Variants in LINC00237 observed in about 807,000 individuals in gnomAD.
The protein encoded by LINC00237 is long independently transcribed non-coding RNA 237.
rs548843447 is a variant in LINC00237, at chr20:21,086,587, G to A, written n.560-699C>T. On this transcript the variant is annotated intron_variant and non_coding_transcript_variant, in intron 3 of 3. Coordinates refer to ENST00000691244, the Ensembl canonical transcript of LINC00237. ...ATAGTACATATATAGTGTATATATAGTATACACTAGTATATATATGTATAT... is the reference window on the plus strand; with the variant it reads ...ATAGTACATATATAGTGTATATATAATATACACTAGTATATATATGTATAT... Among the ~76,000 whole-genome samples the A allele has an allele frequency of 8.0e-5, 8 of 99,784 alleles. No individual in the cohort carries two copies. The South Asian group carries it at 8.9e-4, about 11-fold the overall frequency. 65.5% of individuals were successfully genotyped at this position (99,784 alleles called of 152,430 possible).
At chr20:21,087,341 C>T (rs940636700) in intron 3 of LINC00237, among the ~76,000 whole-genome samples, 2 of 152,016 alleles carry the variant, frequency 1.3e-5, no homozygotes, top group African/African-American at 4.8e-5. Flanking sequence ...CATGGATGTG[C>T]CATGGTTTAA....
At chr20:21,092,673 G>C (rs765037387) in intron 2 of LINC00237, 6 of 152,074 alleles carry the variant, frequency 3.9e-5, no homozygotes, top group South Asian at 4.1e-4. Context: ...AGATCCTCTG[G>C]ATTTCTTCCC....
intron 2 of LINC00237, among the ~76,000 whole-genome samples, chr20:21,089,529 G>GCTGGGCT (rs2030763402): frequency 6.6e-6 from 1 of 152,048 alleles, no homozygotes; most frequent in Non-Finnish European, 1.5e-5. Flanking sequence ...TCTTCTCTTC[G>GCTGGGCT]CTGGGCTCGT....
intron 1 of LINC00237, among the ~76,000 whole-genome samples, chr20:21,094,895 C>CA (rs1330956047): frequency 1.3e-5 from 2 of 152,082 alleles, no homozygotes; most frequent in Non-Finnish European, 2.9e-5. Flanking sequence ...ACTAAAAATA[C>CA]AAAAAATTAG....
chr20:21,090,932 G>A (rs1344805541), intron 2 of LINC00237, among the ~76,000 whole-genome samples: 1 of 152,154 alleles, frequency 6.6e-6, no homozygotes, highest in African/African-American at 2.4e-5. Context: ...ATATGTTGCT[G>A]GGTATCTTGA....
intron 2 of LINC00237, among the ~76,000 whole-genome samples, chr20:21,092,102 G>C (rs1411336631): frequency 1.3e-5 from 2 of 152,218 alleles, no homozygotes; most frequent in East Asian, 3.8e-4. Context: ...CAATTAAAGA[G>C]TCCATCAGGA....
At chr20:21,087,666 C>T (rs550779027) in intron 3 of LINC00237, 1 of 152,278 alleles carries the variant, frequency 6.6e-6, no homozygotes, top group South Asian at 2.1e-4. Flanking sequence ...AGTTTGCATT[C>T]CCCCAGTCTC....
chr20:21,103,413 C>T lies in LINC00237; in HGVS notation n.88+2858G>A, dbSNP rs926762466. 3.9e-5 allele frequency among the ~76,000 whole-genome samples: 6 copies of T among 152,336 alleles called. No individual in the cohort carries two copies. In the South Asian group the frequency reaches 6.2e-4, roughly 16 times the overall value. On this transcript the variant is annotated intron_variant and non_coding_transcript_variant, in intron 1 of 3. Transcript: ENST00000691244. ...GCAGGGCTGTCCCTACCAATAGCCA[C>T]GGCTCGGGGCTGGCTTTGTAGTTAT...
At chr20:21,086,685 A>ATATGTATAGTATAC (rs374333750) in intron 3 of LINC00237, among the ~76,000 whole-genome samples, 12,098 of 94,862 alleles carry the variant, frequency 0.13, 1,438 homozygotes, top group East Asian at 0.3. Flanking sequence ...AGTATACTAC[A>ATATGTATAGTATAC]TATACATATG....
chr20:21,087,955 T>C (rs903167691), exon 3 of LINC00237: 1 of 152,224 alleles, frequency 6.6e-6, no homozygotes, highest in Admixed American at 6.5e-5. Context: ...TGTTCTCTTC[T>C]TCTTTAGTAA....
chr20:21,099,585 C>A (rs1185504383), intron 1 of LINC00237, among the ~76,000 whole-genome samples: 1 of 152,222 alleles, frequency 6.6e-6, no homozygotes, highest in Admixed American at 6.5e-5. Context: ...CCCAGCCCCA[C>A]TCCCCAACAT....
intron 1 of LINC00237, among the ~76,000 whole-genome samples, chr20:21,103,280 G>T (rs1308074477): frequency 6.6e-6 from 1 of 152,194 alleles, no homozygotes; most frequent in African/African-American, 2.4e-5. Flanking sequence ...GGTGGCTGGG[G>T]CTGTGCATTT....
chr20:21,101,493 G>GTTCC lies in LINC00237; in HGVS notation n.88+4777_88+4778insGGAA, dbSNP rs1255336614. The GTTCC allele has an allele frequency of 6.6e-6, 1 of 152,228 alleles. No individual in the cohort carries two copies. Among genetic ancestry groups the GTTCC allele is most frequent in the Admixed American group, 6.5e-5 (1 of 15,284 alleles). 9.4% of individuals were successfully genotyped at this position (152,228 alleles called of 1,614,324 possible). A position where few individuals can be genotyped will look rare whatever the true frequency, so the allele number is the denominator to read the frequency against. ...AAGAGAGTGACAGAGGCGCGTGCGG[G>GTTCC]GGAAAGGCCCACCCACGCTGTCCCT... On this transcript the variant is annotated intron_variant and non_coding_transcript_variant, in intron 1 of 3. Coordinates refer to ENST00000691244, the Ensembl canonical transcript of LINC00237. The surrounding 1 kb of genome is among the most constrained non-coding windows in gnomAD (Gnocchi z 4.3).
In LINC00237 at chr20:21,105,483, T is replaced by C. The variant is rs147700838; in HGVS notation, n.88+788A>G. 3.5e-3 allele frequency among the ~76,000 whole-genome samples: 534 copies of C among 152,250 alleles called. 2 individuals are homozygous for C. Among genetic ancestry groups the C allele is most frequent in the Non-Finnish European group, 6.3e-3 (427 of 67,992 alleles). ...CCCCCGGAGCAGACCTGGCTCTGCA[T>C]AGCAGCAAAAGCAACCGCCTACCTG... is the stretch of plus-strand genomic sequence containing the variant. On this transcript the variant is annotated intron_variant and non_coding_transcript_variant, in intron 1 of 3. Transcript: ENST00000691244.
At chr20:21,098,424 T>C (rs912582900) in intron 1 of LINC00237, among the ~76,000 whole-genome samples, 6 of 152,184 alleles carry the variant, frequency 3.9e-5, no homozygotes, top group African/African-American at 7.2e-5. Flanking sequence ...ATGTGCCCGG[T>C]AGAAATGCTA....
At chr20:21,089,825 C>A (rs2030768596) in intron 2 of LINC00237, 1 of 152,142 alleles carries the variant, frequency 6.6e-6, no homozygotes, top group Non-Finnish European at 1.5e-5. Flanking sequence ...CAAGCGAAGG[C>A]GTCTAGATTT....
At chr20:21,086,628 TA>T (rs2030701464) in intron 3 of LINC00237, among the ~76,000 whole-genome samples, 5 of 133,416 alleles carry the variant, frequency 3.7e-5, no homozygotes, top group Admixed American at 7.5e-5. Context: ...ATACTATATA[TA>T]GTATACTATA....
intron 1 of LINC00237, among the ~76,000 whole-genome samples, chr20:21,104,620 C>A (rs562023985): frequency 6.6e-6 from 1 of 152,382 alleles, no homozygotes; most frequent in Admixed American, 6.5e-5. Flanking sequence ...CTCTGCCCCC[C>A]ACCCTCCAAC....
At chr20:21,104,092 G>A (rs527723080) in intron 1 of LINC00237, among the ~76,000 whole-genome samples, 21 of 151,318 alleles carry the variant, frequency 1.4e-4, no homozygotes, top group African/African-American at 4.6e-4. Context: ...GAAAACAAAT[G>A]TAATTCCTGG....
Sources: allele counts gnomAD v4.1 joint callset (sites outside exome capture counted in the v4.1 genomes callset), GRCh38; gene constraint gnomAD v4.1.1; non-coding constraint Gnocchi (gnomAD v3.1); transcripts MANE v1.5; gene names NCBI Gene and HGNC (gene_info 2026-07-23, HGNC 2026-07-21).